CDHR2: variants seen among roughly 807,000 people sequenced by gnomAD.
CDHR2 encodes the protein cadherin related family member 2, also known as cadherin-related family member 2.
A neutral mutation model predicts 138.6 loss-of-function variants in CDHR2; 104 were observed. That is an observed-to-expected ratio of 0.75 (90% CI 0.64 to 0.88). The LOEUF is 0.88. CDHR2 is among the 40% of genes least tolerant of loss of function. The pLI is 0.00. For missense variants in CDHR2, 1,624 were observed against 1,727.6 expected, an observed-to-expected ratio of 0.94 and a Z score of 1.06; for synonymous variants, 755 against 742.8, an observed-to-expected ratio of 1.02 and a Z score of -0.27.
At position 176,575,933 on chromosome 5, in the gene CDHR2, C is replaced by T. The variant is rs1426437492; in HGVS notation, c.961-19C>T. The stretch of plus-strand genomic sequence containing the variant: ...TGAGCACTGGCTCTCTGCCCTCTGC[C>T]CTCTGCTCTGTGCCTCAGGCCACCG... On this transcript the variant is annotated intron_variant, in intron 11 of 31. Transcript: ENST00000261944. 1.2e-6 allele frequency: 2 copies of T among 1,604,106 alleles called. No homozygotes were observed. The highest frequency in any genetic ancestry group is 4.5e-5 in the East Asian group (2 of 44,522).
chr5:176,560,714 G>A (rs942571276), intron 1 of CDHR2, among the ~76,000 whole-genome samples: 11 of 152,202 alleles, frequency 7.2e-5, no homozygotes, highest in Admixed American at 6.5e-5. Context: ...GGCAGATAGC[G>A]GCTCATGGAT....
intron 1 of CDHR2, among the ~76,000 whole-genome samples, chr5:176,559,292 C>A (rs115694362): frequency 6.6e-6 from 1 of 152,180 alleles, no homozygotes; most frequent in East Asian, 1.9e-4. Context: ...ATTTGTGACA[C>A]CATTAATCTC....
exon 1 of CDHR2, chr5:176,542,610 C>T (rs1345059954): frequency 6.6e-6 from 1 of 152,216 alleles, no homozygotes; most frequent in Non-Finnish European, 1.5e-5. Flanking sequence ...CCCGAATCCC[C>T]CACTGTCCCT....
intron 6 of CDHR2, 62 bp downstream of exon 6, chr5:176,571,364 G>A (rs2113289553): frequency 3.2e-6 from 4 of 1,246,846 alleles, no homozygotes; most frequent in Non-Finnish European, 4.5e-6. Flanking sequence ...CTCAGAGTAG[G>A]AAGAGCCAGA....
chr5:176,587,335 C>A (rs1237462558), intron 21 of CDHR2, among the ~76,000 whole-genome samples: 2 of 152,084 alleles, frequency 1.3e-5, no homozygotes, highest in African/African-American at 4.8e-5. Flanking sequence ...GTAATCCCAG[C>A]TACTTGGGAG....
chr5:176,554,554 T>C (rs952597179), intron 1 of CDHR2, among the ~76,000 whole-genome samples: 1 of 152,268 alleles, frequency 6.6e-6, no homozygotes, highest in Non-Finnish European at 1.5e-5. Flanking sequence ...TGCTGCTCCT[T>C]GACTCTGTAA....
intron 31 of CDHR2, among the ~76,000 whole-genome samples, chr5:176,595,218 C>G (rs993279748): frequency 5.3e-5 from 8 of 152,166 alleles, no homozygotes; most frequent in African/African-American, 1.7e-4. Context: ...GCTGGGCTGG[C>G]TCCTCGGCAC....
In CDHR2 at chr5:176,553,778, G is replaced by A. The variant is rs1249855613; in HGVS notation, c.-16+4364G>A. On this transcript the variant is annotated intron_variant, in intron 1 of 31. Transcript: ENST00000261944. The surrounding 1 kb of genome is among the most constrained non-coding windows in gnomAD (Gnocchi z 4.3). ...TGTCACCTCCACCAGCGCCACCTGC[G>A]TCTCCACCTTCATCAGCACACACAT... 2.6e-5 allele frequency among the ~76,000 whole-genome samples: 4 copies of A among 151,218 alleles called. No individual in the cohort carries two copies. The highest frequency in any genetic ancestry group is 6.6e-5 in the Admixed American group (1 of 15,188).
rs2113343025 is a variant in CDHR2, at chr5:176,595,711, T to C, written c.*39T>C. ...TCTTCTGGACCCCTTGAAGAGGCCC[T>C]ACCACACCCTAACTGCACCTGTCTC... On this transcript the variant is annotated 3_prime_UTR_variant, in exon 32 of 32. Transcript: ENST00000261944. 1 of 1,483,188 alleles carries C rather than the reference T, an allele frequency of 6.7e-7. No homozygotes were observed. The highest frequency in any genetic ancestry group is 9.0e-7 in the Non-Finnish European group (1 of 1,109,728). The allele number at this position is 1,483,188 out of a possible 1,614,324, so 91.9% of individuals were successfully genotyped here.
At chr5:176,571,068 A>G (rs13178350) in intron 5 of CDHR2, 145 bp from the exon 6 acceptor site, 3 of 310,436 alleles carry the variant, frequency 9.7e-6, no homozygotes, top group Admixed American at 5.3e-5. Context: ...AAAAAAAAAA[A>G]GCCCCCAAAA....
At position 176,549,417 on chromosome 5, in the gene CDHR2, A is replaced by AGG. The variant is rs1417329120; in HGVS notation, c.-16+5_-16+6dup. On this transcript the variant is annotated splice_donor_region_variant and intron_variant, in intron 1 of 31. Coordinates refer to ENST00000261944, the MANE Select transcript of CDHR2 (RefSeq NM_017675.6). ...CCTCCGTGGCGAAGGGGACACAGGTAGGGACTATCCAGCTCATCGGGGGTC... is the reference window on the plus strand; with the variant it reads ...CCTCCGTGGCGAAGGGGACACAGGTAGGGGGACTATCCAGCTCATCGGGGGTC... 1 of 152,150 alleles carries AGG rather than the reference A, an allele frequency of 6.6e-6. No individual in the cohort carries two copies. Among genetic ancestry groups the AGG allele is most frequent in the East Asian group, 1.9e-4 (1 of 5,182 alleles). 9.4% of individuals were successfully genotyped at this position (152,150 alleles called of 1,614,324 possible). A position where few individuals can be genotyped will look rare whatever the true frequency, so the allele number is the denominator to read the frequency against.
intron 1 of CDHR2, among the ~76,000 whole-genome samples, chr5:176,557,197 TTTG>T (rs70991561): frequency 0.94 from 140,961 of 150,502 alleles, 66,712 homozygotes; most frequent in East Asian, 1. Context: ...TTAATAATAT[TTTG>T]TTGTTTTGCT....
intron 31 of CDHR2, among the ~76,000 whole-genome samples, chr5:176,593,006 C>T (rs1758926142): frequency 6.6e-6 from 1 of 152,274 alleles, no homozygotes; most frequent in South Asian, 2.1e-4. Context: ...GTTTTTTCAC[C>T]TGTAAATGGG....
chr5:176,590,003 A>G, intron 24 of CDHR2, 75 bp from the exon 25 acceptor site: 1 of 1,199,326 alleles, frequency 8.3e-7, no homozygotes. Context: ...TACAATTCTT[A>G]ATCCCACTGG....
At chr5:176,560,361 A>C (rs1476780385) in intron 1 of CDHR2, among the ~76,000 whole-genome samples, 1 of 151,758 alleles carries the variant, frequency 6.6e-6, no homozygotes, top group Non-Finnish European at 1.5e-5. Flanking sequence ...GCACTACTGC[A>C]CTCCAGCCTG....
In CDHR2 at chr5:176,584,789, G is replaced by A; in HGVS notation, c.2508G>A (p.Val836=). The A allele has an allele frequency of 6.2e-7, 1 of 1,614,196 alleles. No homozygotes were observed. Residue 836 remains valine, a synonymous_variant, in exon 19 of 32, where the codon GTG becomes GTA. Transcript: ENST00000261944. ...TGGCTGTGGTGGTTGCCTCGGATGT[G>A]GACACCAGTGCCCAGCTGGAGATAC... ...GQVAVVVASD[V]DTSAQLEIQL...
intron 6 of CDHR2, 141 bp downstream of exon 6, chr5:176,571,443 CA>C (rs1324122136): frequency 3.9e-6 from 2 of 517,772 alleles, no homozygotes; most frequent in South Asian, 3.2e-5. Context: ...GAACCAAAGC[CA>C]GGGGGATGTA....
intron 14 of CDHR2, 102 bp downstream of exon 14, chr5:176,577,900 C>A: frequency 2.0e-6 from 3 of 1,493,998 alleles, no homozygotes; most frequent in Non-Finnish European, 2.7e-6. Flanking sequence ...TGGGGGTGGC[C>A]ATGAGTGAAT....
chr5:176,592,659 T>C, intron 30 of CDHR2, 64 bp from the exon 31 acceptor site: 1 of 1,408,814 alleles, frequency 7.1e-7, no homozygotes, highest in Non-Finnish European at 1.0e-6. Flanking sequence ...GAGGTGGTGG[T>C]TCTTGGGCAC....
Sources: gnomAD v4.1 joint callset for allele counts (sites outside exome capture counted in the v4.1 genomes callset) on GRCh38, gnomAD v4.1.1 for gene constraint, Gnocchi (gnomAD v3.1) non-coding constraint, MANE v1.5 for transcripts, NCBI Gene and HGNC (gene_info 2026-07-23, HGNC 2026-07-21) for gene names.